PAPPA: variants seen among roughly 807,000 people sequenced by gnomAD.
PAPPA encodes pappalysin-1.
A neutral mutation model predicts 164.0 loss-of-function variants in PAPPA; 60 were observed. The observed-to-expected ratio is 0.37, with a 90% CI of 0.30 to 0.45. PAPPA has a LOEUF of 0.45. Ranked by LOEUF, PAPPA falls within the 20% of genes least tolerant of loss-of-function variation. PAPPA has a pLI of 1.00. For synonymous variants in PAPPA, 875 were observed against 814.1 expected (o/e 1.07, Z -1.27); for missense variants, 1,782 against 2,087.3 (o/e 0.85, Z 2.85).
At position 116,235,466 on chromosome 9, in the gene PAPPA, A is replaced by G. The variant is rs746551547; in HGVS notation, c.2561A>G (p.Gln854Arg). ...GTGGGCGAGGAGGTGTATGGCATCC[A>G]AATCTACACGCTGGATGAGCACCTG... Reference protein sequence around the residue: ...WDVGEEVYGIQIYTLDEHLEI... With the variant: ...WDVGEEVYGIRIYTLDEHLEI... Residue 854 changes from glutamine (Q) to arginine (R), a missense_variant, in exon 7 of 22, where the codon CAA becomes CGA. By Grantham distance (43) the Gln-to-Arg change is conservative. This residue lies in a region of PAPPA where 1,324 missense variants were observed against 1,656.9 expected (regional missense o/e 0.80). Coordinates refer to ENST00000328252, the MANE Select transcript of PAPPA (RefSeq NM_002581.5). 2 of 1,613,492 alleles carry G rather than the reference A, an allele frequency of 1.2e-6. No homozygotes were observed. The highest frequency in any genetic ancestry group is 1.7e-6 in the Non-Finnish European group (2 of 1,179,776).
chr9:116,222,228 TCATCA>T, intron 5 of PAPPA, among the ~76,000 whole-genome samples: 1 of 152,170 alleles, frequency 6.6e-6, no homozygotes, highest in Admixed American at 6.5e-5. Context: ...TAGGAGTCCA[TCATCA>T]GATGAACAGG....
At chr9:116,316,962 G>A (rs1003545103) in intron 10 of PAPPA, among the ~76,000 whole-genome samples, 14 of 152,284 alleles carry the variant, frequency 9.2e-5, no homozygotes, top group African/African-American at 3.1e-4. Context: ...TGAGAAGCAG[G>A]ACTCAGAGAC....
At chr9:116,253,196 T>G (rs1178671759) in intron 7 of PAPPA, among the ~76,000 whole-genome samples, 1 of 152,092 alleles carries the variant, frequency 6.6e-6, no homozygotes, top group African/African-American at 2.4e-5. Context: ...TAAGCCTTTC[T>G]CGTTCTTTAA....
At chr9:116,351,602 A>G (rs1846283371) in intron 15 of PAPPA, among the ~76,000 whole-genome samples, 1 of 152,164 alleles carries the variant, frequency 6.6e-6, no homozygotes, top group South Asian at 2.1e-4. Context: ...AAAAACAACC[A>G]TCTCTGTAGT....
intron 20 of PAPPA, among the ~76,000 whole-genome samples, chr9:116,378,578 T>G (rs1175847101): frequency 6.6e-6 from 1 of 152,202 alleles, no homozygotes; most frequent in Non-Finnish European, 1.5e-5. Context: ...TAATCTCAAC[T>G]AATCTTTTAT....
At chr9:116,393,638 G>C (rs181811124) in intron 21 of PAPPA, among the ~76,000 whole-genome samples, 8 of 152,190 alleles carry the variant, frequency 5.3e-5, no homozygotes, top group Admixed American at 5.2e-4. Flanking sequence ...ACTTTCAATG[G>C]CAAAAACCAC....
In PAPPA at chr9:116,400,980, G is replaced by A. The variant is rs1847044498; in HGVS notation, c.*4364G>A. Reference sequence around the variant, plus strand: ...GGGCAGGAGATTTTGAGGCCCTGAGGTTTTAGGTGGGCTGTGAGGGCCAAC... The same window carrying A: ...GGGCAGGAGATTTTGAGGCCCTGAGATTTTAGGTGGGCTGTGAGGGCCAAC... On this transcript the variant is annotated 3_prime_UTR_variant, in exon 22 of 22. Coordinates refer to ENST00000328252, the MANE Select transcript of PAPPA (RefSeq NM_002581.5). 1 of 152,572 alleles carries A rather than the reference G, an allele frequency of 6.6e-6. No homozygotes were observed. The highest frequency in any genetic ancestry group is 2.1e-4 in the South Asian group (1 of 4,826). The allele number at this position is 152,572 out of a possible 1,614,324, so 9.5% of individuals were successfully genotyped here.
intron 2 of PAPPA, among the ~76,000 whole-genome samples, chr9:116,190,626 CTG>C (rs963687409): frequency 1.3e-5 from 2 of 152,196 alleles, no homozygotes; most frequent in Non-Finnish European, 2.9e-5. Context: ...GGGAAAAAAA[CTG>C]TGTATCATTG....
intron 15 of PAPPA, among the ~76,000 whole-genome samples, chr9:116,348,894 A>T (rs1248037273): frequency 1.3e-5 from 2 of 152,118 alleles, no homozygotes; most frequent in Non-Finnish European, 2.9e-5. Context: ...TTCTTTATTC[A>T]GTCTATCATT....
At chr9:116,354,333 C>G (rs1004294343) in intron 17 of PAPPA, among the ~76,000 whole-genome samples, 4 of 152,080 alleles carry the variant, frequency 2.6e-5, no homozygotes, top group African/African-American at 9.7e-5. Context: ...TCTTCAAATC[C>G]TACACATGCC....
At chr9:116,335,269 C>T (rs550007635) in intron 13 of PAPPA, among the ~76,000 whole-genome samples, 195 bp downstream of exon 13, 14 of 152,160 alleles carry the variant, frequency 9.2e-5, no homozygotes, top group African/African-American at 2.9e-4. Context: ...TTAAGGGAAA[C>T]GGTTGTGTGG....
At chr9:116,155,037 G>A (rs1214169020) in intron 1 of PAPPA, among the ~76,000 whole-genome samples, 1 of 152,218 alleles carries the variant, frequency 6.6e-6, no homozygotes. Context: ...CCATTCCCCT[G>A]AAAGCCGGCA....
In PAPPA at chr9:116,235,307, C is replaced by T; in HGVS notation, c.2402C>T (p.Thr801Ile). The T allele has an allele frequency of 1.2e-6, 2 of 1,614,132 alleles. No homozygotes were observed. Among genetic ancestry groups the T allele is most frequent in the East Asian group, 2.2e-5 (1 of 44,868 alleles). ...CCTGAGTCTCTGACCATTTGGGTGACCTTTGTCTCCACTGACTGGGACTCT... is the reference window on the plus strand; with the variant it reads ...CCTGAGTCTCTGACCATTTGGGTGATCTTTGTCTCCACTGACTGGGACTCT... ...LVPESLTIWVTFVSTDWDSSG... is the reference protein window; with the variant it reads ...LVPESLTIWVIFVSTDWDSSG... Residue 801 changes from threonine (T) to isoleucine (I), a missense_variant, in exon 7 of 22, where the codon ACC becomes ATC. Physicochemically the swap from Thr to Ile is moderately conservative, Grantham distance 89. Transcript: ENST00000328252.
intron 21 of PAPPA, among the ~76,000 whole-genome samples, chr9:116,389,165 T>G (rs1338435890): frequency 7.2e-6 from 1 of 138,668 alleles, no homozygotes; most frequent in Non-Finnish European, 1.5e-5. Context: ...AGAGTCTCAC[T>G]CTTGTCACCC....
intron 10 of PAPPA, among the ~76,000 whole-genome samples, chr9:116,321,010 A>C (rs1845847930): frequency 6.6e-6 from 1 of 152,050 alleles, no homozygotes; most frequent in African/African-American, 2.4e-5. Context: ...GAGACATGTA[A>C]AGTGGTATTG....
chr9:116,249,140 T>G (rs931271433), intron 7 of PAPPA, among the ~76,000 whole-genome samples: 1 of 152,206 alleles, frequency 6.6e-6, no homozygotes, highest in African/African-American at 2.4e-5. Flanking sequence ...TTTCAGGAGC[T>G]TAGTCTACTT....
chr9:116,283,773 T>C (rs1845296453), intron 9 of PAPPA, among the ~76,000 whole-genome samples: 1 of 152,176 alleles, frequency 6.6e-6, no homozygotes, highest in Non-Finnish European at 1.5e-5. Context: ...ACCACATGTA[T>C]AGCTTGAGTT....
intron 1 of PAPPA, among the ~76,000 whole-genome samples, chr9:116,174,280 C>T (rs554765914): frequency 4.0e-5 from 6 of 151,620 alleles, no homozygotes; most frequent in African/African-American, 1.5e-4. Flanking sequence ...CTGGCCTTGT[C>T]CCTTTCTTAT....
At chr9:116,354,678 T>C (rs1187382451) in intron 17 of PAPPA, among the ~76,000 whole-genome samples, 2 of 152,144 alleles carry the variant, frequency 1.3e-5, no homozygotes, top group African/African-American at 4.8e-5. Flanking sequence ...GCTGTTCTCT[T>C]TTGTCCCCAA....
Sources: gnomAD v4.1 joint callset for allele counts (sites outside exome capture counted in the v4.1 genomes callset) on GRCh38, gnomAD v4.1.1 for gene constraint, gnomAD v4.1.1 regional missense constraint, MANE v1.5 for transcripts, NCBI Gene and HGNC (gene_info 2026-07-23, HGNC 2026-07-21) for gene names.